Variants in TNRC18 observed in about 807,000 individuals in gnomAD.
TNRC18 encodes trinucleotide repeat containing 18.
In TNRC18, 69 loss-of-function variants were observed where a neutral mutation model predicts 226.7. The ratio of observed to expected loss-of-function variants is 0.30; its 90% CI spans 0.25 to 0.37. TNRC18 has a LOEUF of 0.37. Among genes scored for constraint, TNRC18 ranks in the 10% least tolerant of loss-of-function variants. The pLI is 1.00. For synonymous variants in TNRC18, 2,449 were observed against 1,927.6 expected, an observed-to-expected ratio of 1.27 and a Z score of -7.09; for missense variants, 4,754 against 4,256.6, an observed-to-expected ratio of 1.12 and a Z score of -3.25.
In TNRC18 at chr7:5,374,148, T is replaced by C. The variant is rs1441211261; in HGVS notation, c.3136A>G (p.Thr1046Ala). 2 of 1,460,344 alleles carry C rather than the reference T, an allele frequency of 1.4e-6. No individual in the cohort carries two copies. The highest frequency in any genetic ancestry group is 2.9e-5 in the East Asian group (1 of 34,178). The allele number at this position is 1,460,344 out of a possible 1,614,324, so 90.5% of individuals were successfully genotyped here. ...TTCTCGGGAGCCTCCTCCTTGCGGG[T>C]GATACCCGGGGTGGGCGGTGGGGAG... ...PASPPPTPGITRKEEAPENVV... is the reference protein window; with the variant it reads ...PASPPPTPGIARKEEAPENVV... The change falls in exon 10 of 30, where the codon ACC becomes GCC. Residue 1046 changes from threonine (T) to alanine (A), a missense_variant. Thr to Ala is a moderately conservative substitution (Grantham distance 58, BLOSUM62 0). Coordinates refer to ENST00000430969, the MANE Select transcript of TNRC18 (RefSeq NM_001080495.3).
intron 17 of TNRC18, among the ~76,000 whole-genome samples, chr7:5,347,724 AG>A (rs1275347940): frequency 6.6e-6 from 1 of 151,704 alleles, no homozygotes; most frequent in East Asian, 2.0e-4. Context: ...TGGGAGGCCA[AG>A]GCATGTGGAT....
Position 5,421,093 on chromosome 7 carries a change from A to G in TNRC18, c.154T>C (p.Tyr52His). ...GLPGPLPPGKYMAGLNLHPHP... is the reference protein window; with the variant it reads ...GLPGPLPPGKHMAGLNLHPHP... Reference sequence around the variant, plus strand: ...GGATGGAGATTCAGGCCGGCCATGTACTTCCCGGGCGGCAGCGGGCCGGGC... The same window carrying G: ...GGATGGAGATTCAGGCCGGCCATGTGCTTCCCGGGCGGCAGCGGGCCGGGC... Residue 52 changes from tyrosine (Y) to histidine (H), a missense_variant, in exon 2 of 30, where the codon TAC becomes CAC. Physicochemically the swap from Tyr to His is moderately conservative, Grantham distance 83. Transcript: ENST00000430969. 6.7e-7 allele frequency: 1 copy of G among 1,485,734 alleles called. No individual in the cohort carries two copies. The highest frequency in any genetic ancestry group is 9.0e-7 in the Non-Finnish European group (1 of 1,108,794). The allele number at this position is 1,485,734 out of a possible 1,614,324, so 92.0% of individuals were successfully genotyped here.
At chr7:5,362,904 A>C in intron 11 of TNRC18, 79 bp from the exon 12 acceptor site, 2 of 1,406,750 alleles carry the variant, frequency 1.4e-6, no homozygotes, top group South Asian at 3.0e-5. Context: ...GGCCCAAAGC[A>C]AGCGCAGGCC....
chr7:5,356,823 TG>T lies in TNRC18; in HGVS notation c.5194+92del, dbSNP rs1562539012. 1.7e-5 allele frequency: 21 copies of T among 1,261,250 alleles called. No homozygotes were observed. The Middle Eastern group carries it at 1.4e-3, about 84-fold the overall frequency. 78.1% of individuals were successfully genotyped at this position (1,261,250 alleles called of 1,614,324 possible). A position where few individuals can be genotyped will look rare whatever the true frequency, so the allele number is the denominator to read the frequency against. ...GAGAGAGCGAGAGCGAGAGAGAGAG[TG>T]AGGGGCGGGGGGGGAAGGAGGACGG... On this transcript the variant is annotated intron_variant, in intron 16 of 29. Coordinates refer to ENST00000430969, the MANE Select transcript of TNRC18 (RefSeq NM_001080495.3).
In TNRC18 at chr7:5,307,278, T is replaced by C. The variant is rs558326396; in HGVS notation, c.*828A>G. 1 of 149,634 alleles carries C rather than the reference T, an allele frequency of 6.7e-6. No individual in the cohort carries two copies. The highest frequency in any genetic ancestry group is 1.5e-5 in the Non-Finnish European group (1 of 67,474). The allele number at this position is 149,634 out of a possible 1,614,324, so 9.3% of individuals were successfully genotyped here. ...TTATATATATATTTATATATATTTA[T>C]CTTTATATATATAATTAAAAAGTTG... On this transcript the variant is annotated 3_prime_UTR_variant, in exon 30 of 30. Transcript: ENST00000430969.
In TNRC18 at chr7:5,371,143, C is replaced by G; in HGVS notation, c.3451G>C (p.Glu1151Gln). The G allele has an allele frequency of 9.3e-6, 15 of 1,610,748 alleles. No homozygotes were observed. The highest frequency in any genetic ancestry group is 1.3e-5 in the Non-Finnish European group (15 of 1,177,854). ...TEPLREGPEE[E>Q]PLAEREVKAE... ...TTCACCTCCCGCTCAGCCAGCGGTT[C>G]TTCCTCCGGGCCCTCCCGCAGCGGC... Residue 1151 changes from glutamate to glutamine, a missense_variant, in exon 11 of 30, where the codon GAA becomes CAA. By Grantham distance (29) the Glu-to-Gln change is conservative. Transcript: ENST00000430969.
At position 5,372,806 on chromosome 7, in the gene TNRC18, T is replaced by C. The variant is rs377055003; in HGVS notation, c.3229+1249A>G. Among the ~76,000 whole-genome samples, 4 of 152,192 alleles carry C rather than the reference T, an allele frequency of 2.6e-5. No homozygotes were observed. In the South Asian group the frequency reaches 8.3e-4, roughly 32 times the overall value. ...GGGAGGCCAGGGTGGGAGGACTGCT[T>C]GAGCCCAGGAGATCAAGACCAGCCT... On this transcript the variant is annotated intron_variant, in intron 10 of 29. Coordinates refer to ENST00000430969, the MANE Select transcript of TNRC18 (RefSeq NM_001080495.3).
At chr7:5,346,799 G>A (rs932885659) in intron 17 of TNRC18, among the ~76,000 whole-genome samples, 1 of 152,224 alleles carries the variant, frequency 6.6e-6, no homozygotes, top group Non-Finnish European at 1.5e-5. Flanking sequence ...CCAAGGCCGG[G>A]GTCCAGAGAG....
At chr7:5,362,542 C>T in intron 12 of TNRC18, 108 bp downstream of exon 12, 1 of 1,112,646 alleles carries the variant, frequency 9.0e-7, no homozygotes, top group Non-Finnish European at 1.2e-6. Context: ...GCTCAGGCCT[C>T]TCTGGCGCCA....
intron 18 of TNRC18, 97 bp from the exon 19 acceptor site, chr7:5,333,146 C>CCCG: frequency 7.3e-7 from 1 of 1,369,040 alleles, no homozygotes; most frequent in Non-Finnish European, 1.0e-6. Flanking sequence ...GCGGGACCTC[C>CCCG]CCGCCAATGG....
chr7:5,328,047 C>T (rs1450543051), intron 19 of TNRC18, among the ~76,000 whole-genome samples: 2 of 151,748 alleles, frequency 1.3e-5, no homozygotes, highest in Non-Finnish European at 2.9e-5. Context: ...CATGGTGAAA[C>T]CCCGTCTCTA....
At chr7:5,356,850 TGGAGAGAAGAGGGGAGAAAA>T (rs1562539209) in intron 16 of TNRC18, 46 bp downstream of exon 16, 3 of 1,355,388 alleles carry the variant, frequency 2.2e-6, no homozygotes, top group Non-Finnish European at 1.9e-6. Flanking sequence ...AGGAGGACGG[TGGAGAGAAGAGGGGAGAAAA>T]GGAGAGAAGC....
At position 5,371,092 on chromosome 7, in the gene TNRC18, C is replaced by G. The variant is rs547629981; in HGVS notation, c.3502G>C (p.Gly1168Arg). Reference protein sequence around the residue: ...VKAEVEDMDEGPTELPPLESP... With the variant: ...VKAEVEDMDERPTELPPLESP... ...TCCAGAGGCGGCAGCTCTGTGGGGC[C>G]CTCGTCCATGTCCTCCACCTCTGCC... The change falls in exon 11 of 30, where the codon GGC becomes CGC. Residue 1168 changes from glycine to arginine, a missense_variant. By Grantham distance (125) the Gly-to-Arg change is moderately radical. Transcript: ENST00000430969. The G allele has an allele frequency of 6.2e-7, 1 of 1,612,190 alleles. No individual in the cohort carries two copies. The highest frequency in any genetic ancestry group is 2.2e-5 in the East Asian group (1 of 44,880).
intron 24 of TNRC18, among the ~76,000 whole-genome samples, chr7:5,316,406 A>G (rs1354856526): frequency 6.6e-6 from 1 of 151,684 alleles, no homozygotes; most frequent in East Asian, 1.9e-4. Context: ...CGGCCTCCCA[A>G]GTAGCTGGGA....
At chr7:5,317,584 C>CT (rs1183358507) in intron 24 of TNRC18, among the ~76,000 whole-genome samples, 4 of 151,162 alleles carry the variant, frequency 2.6e-5, no homozygotes, top group African/African-American at 4.9e-5. Context: ...GAGCAAGACT[C>CT]TGTCTCAAAA....
chr7:5,359,647 A>T (rs1043637228), intron 14 of TNRC18, 78 bp from the exon 15 acceptor site: 2 of 1,573,428 alleles, frequency 1.3e-6, no homozygotes, highest in Non-Finnish European at 1.7e-6. Flanking sequence ...CATGGCCCTG[A>T]AGGGTTGGGC....
chr7:5,388,939 C>A lies in TNRC18; in HGVS notation c.885G>T (p.Ala295=). Residue 295 remains alanine, a synonymous_variant, in exon 5 of 30, where the codon GCG becomes GCT. Coordinates refer to ENST00000430969, the MANE Select transcript of TNRC18 (RefSeq NM_001080495.3). ...NGGAGDVGLP[A]LVAEAGRGGA... Reference sequence around the variant, plus strand: ...CCCCGCGCCCCGCTTCGGCCACCAGCGCGGGCAGCCCCACGTCCCCGGCGC... The same window carrying A: ...CCCCGCGCCCCGCTTCGGCCACCAGAGCGGGCAGCCCCACGTCCCCGGCGC... 7.2e-7 allele frequency: 1 copy of A among 1,384,444 alleles called. No individual in the cohort carries two copies. The highest frequency in any genetic ancestry group is 9.4e-7 in the Non-Finnish European group (1 of 1,064,078). The allele number at this position is 1,384,444 out of a possible 1,614,324, so 85.8% of individuals were successfully genotyped here. A position where few individuals can be genotyped will look rare whatever the true frequency, so the allele number is the denominator to read the frequency against.
chr7:5,382,422 C>T (rs1263146564), intron 5 of TNRC18, among the ~76,000 whole-genome samples: 3 of 152,180 alleles, frequency 2.0e-5, no homozygotes, highest in Admixed American at 6.5e-5. Flanking sequence ...ACAGGTCACA[C>T]GCCCCACATC....
At chr7:5,361,486 C>T (rs1793042562) in intron 14 of TNRC18, 108 bp downstream of exon 14, 6 of 1,324,728 alleles carry the variant, frequency 4.5e-6, no homozygotes, top group South Asian at 1.6e-5. Flanking sequence ...GGTCAGAGCC[C>T]GAGGGACGCG....
Sources: allele counts gnomAD v4.1 joint callset (sites outside exome capture counted in the v4.1 genomes callset), GRCh38; gene constraint gnomAD v4.1.1; transcripts MANE v1.5; gene names NCBI Gene and HGNC (gene_info 2026-07-23, HGNC 2026-07-21).